SAFB: variants seen among roughly 807,000 people sequenced by gnomAD.
The protein encoded by SAFB is scaffold attachment factor B.
SAFB carries 15 observed loss-of-function variants against 101.6 expected under a neutral mutation model. The observed-to-expected ratio is 0.15, with a 90% CI of 0.10 to 0.23. The LOEUF is 0.23. Ranked by LOEUF, SAFB falls within the 10% of genes least tolerant of loss-of-function variation. The pLI is 1.00. For missense variants in SAFB, 930 were observed against 1,104.1 expected (o/e 0.84, Z 2.23); for synonymous variants, 449 against 407.5 (o/e 1.10, Z -1.23).
intron 8 of SAFB, among the ~76,000 whole-genome samples, chr19:5,650,305 G>A (rs1005463367): frequency 6.6e-6 from 1 of 152,184 alleles, no homozygotes; most frequent in African/African-American, 2.4e-5. Context: ...AAAAACATGG[G>A]ATAGATACAG....
In SAFB at chr19:5,623,371, G is replaced by C; in HGVS notation, c.166G>C (p.Val56Leu). ...RNVDSSGNKS[V>L]LMERLKKAIE... is the part of the protein sequence containing the mutation. ...TGTGGACTCGAGCGGCAACAAGAGC[G>C]TTTTGATGGAGCGGCTGAAGAAGGT... Residue 56 changes from valine (V) to leucine (L), a missense_variant, in exon 1 of 21, where the codon GTT becomes CTT. This residue lies in a region of SAFB where 119 missense variants were observed against 171.4 expected (regional missense o/e 0.69). Transcript: ENST00000588852. 6.2e-7 allele frequency: 1 copy of C among 1,613,850 alleles called. No individual in the cohort carries two copies. Among genetic ancestry groups the C allele is most frequent in the Admixed American group, 1.7e-5 (1 of 60,008 alleles).
At chr19:5,632,601 T>G (rs2145407913) in intron 2 of SAFB, among the ~76,000 whole-genome samples, 1 of 152,358 alleles carries the variant, frequency 6.6e-6, no homozygotes, top group South Asian at 2.1e-4. Context: ...TTTCCTTAGT[T>G]TTCTTTAATC....
Position 5,667,557 on chromosome 19 carries a change from T to C in SAFB, c.2557+107T>C. The stretch of plus-strand genomic sequence containing the variant: ...AGCACAGGAGGTGCTCTGCTCTCAG[T>C]GCTGGAATGAGGAATGAAGAGCACT... On this transcript the variant is annotated intron_variant, in intron 19 of 20. Transcript: ENST00000588852. The surrounding 1 kb of genome is among the most constrained non-coding windows in gnomAD (Gnocchi z 4.0). The C allele has an allele frequency of 1.2e-6, 1 of 836,634 alleles. No homozygotes were observed. Among genetic ancestry groups the C allele is most frequent in the Non-Finnish European group, 1.9e-6 (1 of 527,922 alleles). 51.8% of individuals were successfully genotyped at this position (836,634 alleles called of 1,614,324 possible). A position where few individuals can be genotyped will look rare whatever the true frequency, so the allele number is the denominator to read the frequency against.
At chr19:5,638,574 C>T (rs755669452) in intron 2 of SAFB, among the ~76,000 whole-genome samples, 3 of 151,942 alleles carry the variant, frequency 2.0e-5, no homozygotes, top group African/African-American at 4.8e-5. Context: ...CCACCCACCT[C>T]GACCTCCCAA....
intron 14 of SAFB, 127 bp from the exon 15 acceptor site, chr19:5,661,391 G>A (rs1599381700): frequency 2.7e-6 from 4 of 1,503,234 alleles, no homozygotes; most frequent in Middle Eastern, 2.5e-4. Flanking sequence ...TGGAGTGTAC[G>A]GTTCTGCAGA....
intron 2 of SAFB, among the ~76,000 whole-genome samples, chr19:5,626,952 A>G (rs58113313): frequency 0.058 from 8,845 of 151,922 alleles, 527 homozygotes; most frequent in African/African-American, 0.15. Flanking sequence ...GCTGAACCGG[A>G]AGGATTACTT....
chr19:5,654,117 G>T lies in SAFB; in HGVS notation c.1583G>T (p.Gly528Val). The T allele has an allele frequency of 4.3e-6, 7 of 1,614,130 alleles. No homozygotes were observed. The highest frequency in any genetic ancestry group is 5.9e-6 in the Non-Finnish European group (7 of 1,179,972). The change falls in exon 12 of 21, where the codon GGT (glycine) becomes GTT (valine). Residue 528 changes from glycine (G) to valine (V), a missense_variant. Transcript: ENST00000588852. Reference sequence around the variant, plus strand: ...GACAGAAAAGATGATGCTAAGAAGGGTGACGACGGAAGTGGAGAAAAGAGT... The same window carrying T: ...GACAGAAAAGATGATGCTAAGAAGGTTGACGACGGAAGTGGAGAAAAGAGT... ...KCDRKDDAKK[G>V]DDGSGEKSKD...
intron 15 of SAFB, among the ~76,000 whole-genome samples, chr19:5,662,487 C>G (rs1017723158): frequency 1.4e-4 from 21 of 150,298 alleles, no homozygotes; most frequent in African/African-American, 5.1e-4. Context: ...GAGTGAGACT[C>G]GGTCTCAAAA....
At chr19:5,648,399 C>A (rs752581750) in intron 6 of SAFB, 4 of 303,710 alleles carry the variant, frequency 1.3e-5, no homozygotes, top group Non-Finnish European at 2.4e-5. Flanking sequence ...TGGGCAGTAG[C>A]TTAATTTTGT....
chr19:5,640,652 C>T (rs902737597), intron 2 of SAFB, among the ~76,000 whole-genome samples: 2 of 152,060 alleles, frequency 1.3e-5, no homozygotes, highest in African/African-American at 4.8e-5. Flanking sequence ...TGCAGCGGCA[C>T]GATCTCAGCT....
intron 2 of SAFB, among the ~76,000 whole-genome samples, chr19:5,628,008 T>G (rs1485670892): frequency 2.6e-5 from 4 of 152,130 alleles, no homozygotes; most frequent in Non-Finnish European, 2.9e-5. Flanking sequence ...GCCAGCACTT[T>G]GGGAGGTTGA....
rs139160599 is a variant in SAFB at position 5,667,764 on chromosome 19, G to A, written c.2558-56G>A. ...GGGAGTGGAGTGGGCTAAATGTGCCGTGGGTTCCACGCCGTGTGCGCAAGT... is the reference window on the plus strand; with the variant it reads ...GGGAGTGGAGTGGGCTAAATGTGCCATGGGTTCCACGCCGTGTGCGCAAGT... On this transcript the variant is annotated intron_variant, in intron 19 of 20. Transcript: ENST00000588852. The surrounding 1 kb of genome is among the most constrained non-coding windows in gnomAD (Gnocchi z 4.0). The A allele has an allele frequency of 2.8e-4, 442 of 1,576,160 alleles. 4 individuals carry two copies. In the East Asian group the frequency reaches 7.7e-3, roughly 27 times the overall value.
chr19:5,651,259 A>G (rs1457803817), intron 9 of SAFB, among the ~76,000 whole-genome samples, 187 bp downstream of exon 9: 1 of 152,188 alleles, frequency 6.6e-6, no homozygotes, highest in Non-Finnish European at 1.5e-5. Context: ...CAGAGCCCAC[A>G]TCACCACTGT....
At chr19:5,643,949 C>CT (rs2145435126) in intron 4 of SAFB, among the ~76,000 whole-genome samples, 1 of 152,228 alleles carries the variant, frequency 6.6e-6, no homozygotes, top group Non-Finnish European at 1.5e-5. Context: ...CTGCTCCTCA[C>CT]TTGCAAGAGG....
intron 2 of SAFB, among the ~76,000 whole-genome samples, chr19:5,628,440 T>C (rs1438134519): frequency 1.3e-5 from 2 of 152,218 alleles, no homozygotes; most frequent in African/African-American, 2.4e-5. Context: ...TTGTTTCTTA[T>C]ACACCTGAAG....
rs149946291 is a variant in SAFB, at chr19:5,623,596, A to G, written c.189+202A>G. 1.4e-3 allele frequency among the ~76,000 whole-genome samples: 214 copies of G among 152,166 alleles called. 1 individual carries two copies. Among genetic ancestry groups the G allele is most frequent in the Middle Eastern group, 6.8e-3 (2 of 294 alleles). ...CCTGGGTTCAAATCCTAACGCCGCA[A>G]TGGGGCCAGGAGAACCACAAAAACG... is the stretch of plus-strand genomic sequence containing the variant. On this transcript the variant is annotated intron_variant, in intron 1 of 20. Coordinates refer to ENST00000588852, the MANE Select transcript of SAFB (RefSeq NM_001201338.2).
Position 5,667,599 on chromosome 19 carries a change from C to G in SAFB, c.2557+149C>G. 1 of 704,706 alleles carries G rather than the reference C, an allele frequency of 1.4e-6. No individual in the cohort carries two copies. Among genetic ancestry groups the G allele is most frequent in the South Asian group, 1.8e-5 (1 of 54,358 alleles). The allele number at this position is 704,706 out of a possible 1,614,324, so 43.7% of individuals were successfully genotyped here. ...AAGAGCACTCCAGACACCGCCTGCTCTCTGGTGGTCTGGCCCAGGAGTTGG... is the reference window on the plus strand; with the variant it reads ...AAGAGCACTCCAGACACCGCCTGCTGTCTGGTGGTCTGGCCCAGGAGTTGG... On this transcript the variant is annotated intron_variant, in intron 19 of 20. Transcript: ENST00000588852. This position sits in a 1 kb window ranked among gnomAD's most constrained non-coding sequence, Gnocchi z 4.0.
chr19:5,667,265 TC>T lies in SAFB; in HGVS notation c.2454-81del. 2 of 1,277,530 alleles carry T rather than the reference TC, an allele frequency of 1.6e-6. No homozygotes were observed. The highest frequency in any genetic ancestry group is 2.1e-6 in the Non-Finnish European group (2 of 935,008). The allele number at this position is 1,277,530 out of a possible 1,614,324, so 79.1% of individuals were successfully genotyped here. A position where few individuals can be genotyped will look rare whatever the true frequency, so the allele number is the denominator to read the frequency against. ...CACAGGGTGGGAAACACAGAGGGAT[TC>T]ACTCTCCAGAAGCCGCCACAGTTAT... On this transcript the variant is annotated intron_variant, in intron 18 of 20. Coordinates refer to ENST00000588852, the MANE Select transcript of SAFB (RefSeq NM_001201338.2). This position sits in a 1 kb window ranked among gnomAD's most constrained non-coding sequence, Gnocchi z 4.0.
intron 14 of SAFB, among the ~76,000 whole-genome samples, 154 bp downstream of exon 14, chr19:5,657,501 C>CT (rs1340292433): frequency 9.9e-5 from 15 of 152,284 alleles, no homozygotes; most frequent in Admixed American, 5.9e-4. Context: ...TATGTTTTAA[C>CT]TTTCATCCTA....
Sources: gnomAD v4.1 joint callset for allele counts (sites outside exome capture counted in the v4.1 genomes callset) on GRCh38, gnomAD v4.1.1 for gene constraint, gnomAD v4.1.1 regional missense constraint, Gnocchi (gnomAD v3.1) non-coding constraint, MANE v1.5 for transcripts, NCBI Gene and HGNC (gene_info 2026-07-23, HGNC 2026-07-21) for gene names.